The following BAZ2B variants were observed in gnomAD, a reference collection of about 807,000 sequenced individuals.
BAZ2B encodes the protein bromodomain adjacent to zinc finger domain 2B.
In BAZ2B, 91 loss-of-function variants were observed where a neutral mutation model predicts 246.0. The observed-to-expected ratio is 0.37, with a 90% confidence interval of 0.31 to 0.44. The LOEUF (loss-of-function observed/expected upper bound fraction) is 0.44, where lower values mean the gene tolerates loss of function less well. Among genes scored for constraint, BAZ2B ranks in the 20% least tolerant of loss-of-function variants. The pLI, the probability that BAZ2B is intolerant of heterozygous loss-of-function variation, is 1.00. For synonymous variants in BAZ2B, 855 were observed against 860.0 expected, an observed-to-expected ratio of 0.99 and a Z score of 0.10; for missense variants, 2,332 against 2,533.7, an observed-to-expected ratio of 0.92 and a Z score of 1.71.
At chr2:159,364,910 G>A (rs372801194) in intron 27 of BAZ2B, among the ~76,000 whole-genome samples, 6 of 152,114 alleles carry the variant, frequency 3.9e-5, no homozygotes, top group South Asian at 2.1e-4. Flanking sequence ...TAACAACCCC[G>A]TTTGCCTAAC....
the BAZ2B span, among the ~76,000 whole-genome samples, chr2:159,708,349 A>G: frequency 6.6e-6 from 1 of 152,208 alleles, no homozygotes; most frequent in African/African-American, 2.4e-5. Context: ...TATATATTTC[A>G]GGCAGTGTGC....
chr2:159,563,819 T>C (rs1034687286), intron 1 of BAZ2B, among the ~76,000 whole-genome samples: 2 of 152,250 alleles, frequency 1.3e-5, no homozygotes, highest in Admixed American at 6.5e-5. Context: ...TAATGTTATA[T>C]ATATTTTACC....
chr2:159,625,990 C>T, the BAZ2B span, among the ~76,000 whole-genome samples: 1 of 124,782 alleles, frequency 8.0e-6, no homozygotes, highest in Admixed American at 7.7e-5. Flanking sequence ...ATTTAGCAAG[C>T]AAATGGAAAG....
chr2:159,386,671 G>GT, intron 21 of BAZ2B, 64 bp from the exon 22 acceptor site: 1 of 1,462,098 alleles, frequency 6.8e-7, no homozygotes, highest in Admixed American at 2.5e-5. Flanking sequence ...CCATGATTTC[G>GT]TATCTTCTAA....
At chr2:159,704,449 T>G in the BAZ2B span, among the ~76,000 whole-genome samples, 3 of 121,858 alleles carry the variant, frequency 2.5e-5, no homozygotes, top group Admixed American at 7.4e-5. Flanking sequence ...CCTTCCTTCC[T>G]CCCTCCCTCC....
chr2:159,617,910 G>T (rs1579013851), upstream of BAZ2B, among the ~76,000 whole-genome samples: 1 of 152,198 alleles, frequency 6.6e-6, no homozygotes, highest in Non-Finnish European at 1.5e-5. Context: ...CAGAAATACT[G>T]CCTGTCTAAT....
At chr2:159,594,466 T>A (rs980875112) in intron 1 of BAZ2B, among the ~76,000 whole-genome samples, 1 of 152,188 alleles carries the variant, frequency 6.6e-6, no homozygotes, top group African/African-American at 2.4e-5. Context: ...AGAACCCAAG[T>A]TTACAAAAGA....
At chr2:159,524,579 A>G (rs2084525997) in intron 2 of BAZ2B, among the ~76,000 whole-genome samples, 1 of 152,150 alleles carries the variant, frequency 6.6e-6, no homozygotes, top group African/African-American at 2.4e-5. Context: ...TGCAGGGGAC[A>G]CTCTGACCTG....
the BAZ2B span, among the ~76,000 whole-genome samples, chr2:159,660,995 T>C: frequency 1.3e-5 from 2 of 152,352 alleles, no homozygotes; most frequent in East Asian, 3.9e-4. Flanking sequence ...TTTTGACTTA[T>C]GAATATACTT....
intron 13 of BAZ2B, 24 bp downstream of exon 13, chr2:159,427,917 C>T (rs773719270): frequency 6.3e-7 from 1 of 1,593,294 alleles, no homozygotes; most frequent in Admixed American, 1.7e-5. Context: ...GGTTCAAAGA[C>T]TATACTTTTT....
intron 2 of BAZ2B, among the ~76,000 whole-genome samples, chr2:159,503,608 T>C (rs2082050618): frequency 1.3e-5 from 2 of 152,142 alleles, no homozygotes; most frequent in African/African-American, 4.8e-5. Context: ...AGATGGAGTT[T>C]CACTCTTGTT....
chr2:159,380,735 A>C (rs1204981413), intron 25 of BAZ2B, among the ~76,000 whole-genome samples: 2 of 152,184 alleles, frequency 1.3e-5, no homozygotes, highest in African/African-American at 4.8e-5. Flanking sequence ...TACAGGTACC[A>C]GCCCCCAGTA....
intron 1 of BAZ2B, among the ~76,000 whole-genome samples, chr2:159,602,262 C>G (rs1038959518): frequency 4.0e-4 from 61 of 152,156 alleles, no homozygotes; most frequent in African/African-American, 1.3e-3. Flanking sequence ...CCATACATAT[C>G]AGAAATGGGA....
intron 27 of BAZ2B, among the ~76,000 whole-genome samples, chr2:159,351,400 T>C (rs1361159744): frequency 6.6e-6 from 1 of 152,182 alleles, no homozygotes; most frequent in African/African-American, 2.4e-5. Flanking sequence ...TTATTCACTA[T>C]TATAAACAAT....
chr2:159,558,661 G>GA (rs2089491998), intron 1 of BAZ2B, among the ~76,000 whole-genome samples: 1 of 152,004 alleles, frequency 6.6e-6, no homozygotes, highest in Non-Finnish European at 1.5e-5. Flanking sequence ...GGAATATGAA[G>GA]AAAAAAACAG....
the BAZ2B span, among the ~76,000 whole-genome samples, chr2:159,690,644 A>T: frequency 6.6e-6 from 1 of 152,138 alleles, no homozygotes; most frequent in African/African-American, 2.4e-5. Flanking sequence ...TTCAGTAAAA[A>T]CACCAGACTG....
chr2:159,439,443 T>G (rs1043758844), intron 6 of BAZ2B, among the ~76,000 whole-genome samples: 3 of 152,188 alleles, frequency 2.0e-5, no homozygotes, highest in Admixed American at 2.0e-4. Context: ...ATTGAAAATA[T>G]CAATATAGCA....
At chr2:159,475,008 C>T (rs956868026) in intron 3 of BAZ2B, among the ~76,000 whole-genome samples, 1 of 152,082 alleles carries the variant, frequency 6.6e-6, no homozygotes, top group Admixed American at 6.6e-5. Flanking sequence ...TCATTTCAAC[C>T]TTGGTGAATC....
chr2:159,410,715 C>G lies in BAZ2B; in HGVS notation c.2677+1620G>C, dbSNP rs187000620. ...ATATGATAACTGCTAGGCAGTTAAGCTATTAGTCAAAGTATGAACTGGAGA... is the reference window on the plus strand; with the variant it reads ...ATATGATAACTGCTAGGCAGTTAAGGTATTAGTCAAAGTATGAACTGGAGA... On this transcript the variant is annotated intron_variant, in intron 14 of 36. Coordinates refer to ENST00000392783, the MANE Select transcript of BAZ2B (RefSeq NM_013450.4). 4.2e-3 allele frequency among the ~76,000 whole-genome samples: 639 copies of G among 152,218 alleles called. 1 individual carries two copies. Among genetic ancestry groups the G allele is most frequent in the Non-Finnish European group, 7.2e-3 (487 of 68,004 alleles).
Sources: allele counts gnomAD v4.1 joint callset (sites outside exome capture counted in the v4.1 genomes callset), GRCh38; gene constraint gnomAD v4.1.1; transcripts MANE v1.5; gene names NCBI Gene and HGNC (gene_info 2026-07-23, HGNC 2026-07-21).